LAMA1: variants seen among roughly 807,000 people sequenced by gnomAD.
LAMA1 encodes laminin subunit alpha 1, also known as laminin subunit alpha-1.
A neutral mutation model predicts 348.7 loss-of-function variants in LAMA1; 219 were observed. The ratio of observed to expected loss-of-function variants is 0.63; its 90% confidence interval spans 0.56 to 0.70. LAMA1 has a LOEUF of 0.70. LAMA1 is among the 30% of genes least tolerant of loss of function. The pLI is 0.00. For missense variants in LAMA1, 3,744 were observed against 3,888.0 expected, an observed-to-expected ratio of 0.96 and a Z score of 0.99; for synonymous variants, 1,487 against 1,491.0, an observed-to-expected ratio of 1.00 and a Z score of 0.06.
intron 29 of LAMA1, among the ~76,000 whole-genome samples, chr18:7,004,429 C>T (rs1050518221): frequency 3.9e-5 from 6 of 152,162 alleles, no homozygotes; most frequent in African/African-American, 1.2e-4. Flanking sequence ...CTCAGCTCAC[C>T]GCAACCTCTG....
chr18:7,040,327 G>A, intron 9 of LAMA1, 91 bp from the exon 10 acceptor site: 1 of 1,375,372 alleles, frequency 7.3e-7, no homozygotes, highest in Non-Finnish European at 1.0e-6. Flanking sequence ...GGGTCAGAGG[G>A]TATCTATTTT....
chr18:6,958,697 T>C, intron 54 of LAMA1, 35 bp from the exon 55 acceptor site: 1 of 1,530,456 alleles, frequency 6.5e-7, no homozygotes, highest in South Asian at 1.1e-5. Flanking sequence ...ATGAAAAGCT[T>C]TAAACATAAT....
intron 56 of LAMA1, chr18:6,956,350 G>T: frequency 1.8e-6 from 1 of 543,988 alleles, no homozygotes; most frequent in Non-Finnish European, 3.4e-6. Context: ...AATGTAAATT[G>T]ATAATGAGTC....
intron 3 of LAMA1, among the ~76,000 whole-genome samples, chr18:7,065,838 T>C (rs886149478): frequency 6.6e-6 from 1 of 152,212 alleles, no homozygotes; most frequent in Non-Finnish European, 1.5e-5. Context: ...AGCTAATTAT[T>C]TGCAGGTTTA....
intron 36 of LAMA1, 122 bp downstream of exon 36, chr18:6,992,439 C>A: frequency 9.0e-7 from 1 of 1,116,432 alleles, no homozygotes; most frequent in Non-Finnish European, 1.4e-6. Context: ...CCCTTCTCCT[C>A]TCTTAGGATA....
At chr18:6,967,261 T>C (rs918929786) in intron 48 of LAMA1, among the ~76,000 whole-genome samples, 1 of 152,240 alleles carries the variant, frequency 6.6e-6, no homozygotes, top group Admixed American at 6.5e-5. Context: ...CATCATGTGG[T>C]CTCTTTGAGG....
At chr18:6,946,788 TC>T (rs34396313) in intron 61 of LAMA1, among the ~76,000 whole-genome samples, 1 of 152,076 alleles carries the variant, frequency 6.6e-6, no homozygotes, top group East Asian at 1.9e-4. Flanking sequence ...CATGGGGCCC[TC>T]CCTGTACATT....
chr18:6,987,011 G>A (rs1401008489), intron 36 of LAMA1, among the ~76,000 whole-genome samples: 2 of 152,076 alleles, frequency 1.3e-5, no homozygotes, highest in Non-Finnish European at 2.9e-5. Flanking sequence ...TGCCCACCTC[G>A]GCCTCTCAAA....
At chr18:7,007,696 G>A (rs539485198) in intron 28 of LAMA1, among the ~76,000 whole-genome samples, 9 of 152,234 alleles carry the variant, frequency 5.9e-5, no homozygotes, top group African/African-American at 1.7e-4. Context: ...TGTTCATAGC[G>A]GCATTATTCA....
chr18:7,042,592 T>C, intron 8 of LAMA1: 1 of 304,234 alleles, frequency 3.3e-6, no homozygotes. Flanking sequence ...AATTAAAGAT[T>C]GGCTGAACAC....
At position 6,943,238 on chromosome 18, in the gene LAMA1, T is replaced by C. The variant is rs1274296818; in HGVS notation, c.9009A>G (p.Pro3003=). ...VDGNAVGAES[P]HTQSTSVDTN... ...TGTCCACTGAGGTAGACTGGGTGTGTGGACTTTCAGCGCCAACTGCGTTCC... is the reference window on the plus strand; with the variant it reads ...TGTCCACTGAGGTAGACTGGGTGTGCGGACTTTCAGCGCCAACTGCGTTCC... The change falls in exon 62 of 63, where the codon CCA becomes CCG. Residue 3003 remains proline, a synonymous_variant. Coordinates refer to ENST00000389658, the MANE Select transcript of LAMA1 (RefSeq NM_005559.4). 1.2e-6 allele frequency: 2 copies of C among 1,614,214 alleles called. No individual in the cohort carries two copies. The highest frequency in any genetic ancestry group is 2.2e-5 in the South Asian group (2 of 91,082).
chr18:6,997,104 G>A (rs759423726), intron 33 of LAMA1, among the ~76,000 whole-genome samples: 2 of 151,540 alleles, frequency 1.3e-5, no homozygotes, highest in Admixed American at 6.6e-5. Context: ...TTGCTCTGTC[G>A]CCAGGCTGGA....
In LAMA1 at chr18:7,037,761, A is replaced by G; in HGVS notation, c.1564-10T>C. ...CGGACATACTGTTTACCTTAAAAAC[A>G]AATTCAAGAATTTTGAAGTATGAAA... On this transcript the variant is annotated splice_polypyrimidine_tract_variant and intron_variant, in intron 11 of 62. Transcript: ENST00000389658. The G allele has an allele frequency of 1.2e-6, 2 of 1,614,044 alleles. No individual in the cohort carries two copies. Among genetic ancestry groups the G allele is most frequent in the South Asian group, 2.2e-5 (2 of 91,070 alleles).
intron 3 of LAMA1, among the ~76,000 whole-genome samples, chr18:7,057,582 C>T (rs1213328920): frequency 6.8e-6 from 1 of 147,304 alleles, no homozygotes; most frequent in African/African-American, 2.5e-5. Context: ...TCAAGAGATT[C>T]TCCTACCTCA....
Position 7,012,502 on chromosome 18 carries a change from AT to A in LAMA1, c.3364-365del, listed in dbSNP as rs1197134442. Among the ~76,000 whole-genome samples the A allele has an allele frequency of 9.7e-3, 1,423 of 146,348 alleles. 9 individuals carry two copies. The highest frequency in any genetic ancestry group is 0.032 in the Middle Eastern group (9 of 278). ...ATATTATTATTATTATTATTATATT[AT>A]TATTATTATTATTATTATTTAAGAC... is the stretch of plus-strand genomic sequence containing the variant. On this transcript the variant is annotated intron_variant, in intron 23 of 62. Transcript: ENST00000389658.
chr18:7,105,441 A>T lies in LAMA1; in HGVS notation c.61+12219T>A, dbSNP rs150054616. Among the ~76,000 whole-genome samples, 14 of 144,366 alleles carry T rather than the reference A, an allele frequency of 9.7e-5. No individual in the cohort carries two copies. The East Asian group carries it at 1.8e-3, about 19-fold the overall frequency. 94.7% of individuals were successfully genotyped at this position (144,366 alleles called of 152,430 possible). On this transcript the variant is annotated intron_variant, in intron 1 of 62. Transcript: ENST00000389658. ...GCGACAGAGTGAGACTTCATCTCAA[A>T]AAATAAATAAATAAATAAATAAATA...
At chr18:7,051,819 T>G (rs1391528583) in intron 3 of LAMA1, among the ~76,000 whole-genome samples, 7 of 152,210 alleles carry the variant, frequency 4.6e-5, no homozygotes, top group Non-Finnish European at 1.0e-4. Context: ...CTCATTCATT[T>G]CTGGTGTGAA....
chr18:7,096,662 C>T (rs916397607), intron 1 of LAMA1, among the ~76,000 whole-genome samples: 2 of 151,902 alleles, frequency 1.3e-5, no homozygotes, highest in Non-Finnish European at 2.9e-5. Flanking sequence ...CTCTCTCTCT[C>T]TCTATCTCTC....
At chr18:7,095,359 T>C (rs1288795655) in intron 1 of LAMA1, among the ~76,000 whole-genome samples, 2 of 152,242 alleles carry the variant, frequency 1.3e-5, no homozygotes, top group African/African-American at 2.4e-5. Context: ...TAATGTATTT[T>C]CTTTTAAAAC....
Sources: allele counts gnomAD v4.1 joint callset (sites outside exome capture counted in the v4.1 genomes callset), GRCh38; gene constraint gnomAD v4.1.1; transcripts MANE v1.5; gene names NCBI Gene and HGNC (gene_info 2026-07-23, HGNC 2026-07-21).